SYNE2: variants seen among roughly 807,000 people sequenced by gnomAD.
The protein encoded by SYNE2 is nesprin-2.
SYNE2 carries 431 observed loss-of-function variants against 856.3 expected under a neutral mutation model. The observed-to-expected ratio is 0.50, with a 90% confidence interval of 0.47 to 0.55. The LOEUF (loss-of-function observed/expected upper bound fraction) is 0.55. SYNE2 is among the 20% of genes least tolerant of loss of function. SYNE2 has a pLI of 0.00. For synonymous variants in SYNE2, 2,923 were observed against 2,872.3 expected, an observed-to-expected ratio of 1.02 and a Z score of -0.56; for missense variants, 8,129 against 8,023.2, an observed-to-expected ratio of 1.01 and a Z score of -0.50.
chr14:63,889,078 A>G (rs2095066067), intron 1 of SYNE2, among the ~76,000 whole-genome samples: 1 of 149,792 alleles, frequency 6.7e-6, no homozygotes, highest in Non-Finnish European at 1.5e-5. Context: ...AAAAAGGGTA[A>G]AGACCTATGA....
At chr14:64,168,195 C>A (rs1215611140) in intron 92 of SYNE2, among the ~76,000 whole-genome samples, 1 of 152,138 alleles carries the variant, frequency 6.6e-6, no homozygotes, top group African/African-American at 2.4e-5. Context: ...CTTCCACCCC[C>A]CAGGCTCAAG....
At chr14:63,803,624 C>T (rs955121116) in intron 1 of SYNE2, among the ~76,000 whole-genome samples, 8 of 152,200 alleles carry the variant, frequency 5.3e-5, no homozygotes, top group South Asian at 2.1e-4. Flanking sequence ...CACGCAGCCC[C>T]GGTTCCTGCT....
intron 1 of SYNE2, among the ~76,000 whole-genome samples, chr14:63,793,212 C>T (rs1887796765): frequency 6.6e-6 from 1 of 152,164 alleles, no homozygotes; most frequent in African/African-American, 2.4e-5. Flanking sequence ...TTGACACACA[C>T]AGCCACCTTG....
chr14:64,000,540 T>C, intron 27 of SYNE2, 22 bp from the exon 28 acceptor site: 1 of 1,607,738 alleles, frequency 6.2e-7, no homozygotes. Flanking sequence ...AGTTGATAAA[T>C]TAATTTATGT....
chr14:64,175,358 A>G (rs1474187236), intron 95 of SYNE2, among the ~76,000 whole-genome samples: 1 of 152,192 alleles, frequency 6.6e-6, no homozygotes, highest in Non-Finnish European at 1.5e-5. Flanking sequence ...TTCTATTAAG[A>G]TACTTACTTT....
Position 64,143,816 on chromosome 14 carries a change from C to T in SYNE2, c.15351C>T (p.Phe5117=), listed in dbSNP as rs569092674. The change falls in exon 83 of 116, where the codon TTC becomes TTT. Residue 5117 remains phenylalanine (F), a synonymous_variant. Coordinates refer to ENST00000555002, the MANE Select transcript of SYNE2 (RefSeq NM_182914.3). ...ACTATAAACAGTGGATAGTTGACTT[C>T]GTTAACCAGTCATTACTTCAGCTAA... ...EMDYKQWIVD[F]VNQSLLQLST... 1.1e-5 allele frequency: 18 copies of T among 1,614,002 alleles called. No homozygotes were observed. In the East Asian group the frequency reaches 2.7e-4, roughly 24 times the overall value.
At chr14:63,897,777 C>T (rs2095276810) in intron 1 of SYNE2, among the ~76,000 whole-genome samples, 1 of 152,190 alleles carries the variant, frequency 6.6e-6, no homozygotes, top group South Asian at 2.1e-4. Context: ...AAGGACCCCA[C>T]ACCACCCATG....
chr14:63,867,248 G>A (rs192819804), intron 1 of SYNE2, among the ~76,000 whole-genome samples: 5 of 152,256 alleles, frequency 3.3e-5, no homozygotes, highest in African/African-American at 7.2e-5. Flanking sequence ...CCATGATTCT[G>A]TACAGAAACT....
chr14:64,037,276 C>T lies in SYNE2; in HGVS notation c.7221+5919C>T, dbSNP rs377080760. On this transcript the variant is annotated intron_variant, in intron 45 of 115. Coordinates refer to ENST00000555002, the MANE Select transcript of SYNE2 (RefSeq NM_182914.3). ...TGGTTTTCCTAGGCGGAGGACCCTG[C>T]GGCCTTCCGCAGTGTTTGTGTCCCT... Among the ~76,000 whole-genome samples, 164 of 151,858 alleles carry T rather than the reference C, an allele frequency of 1.1e-3. 3 individuals are homozygous for T. In the South Asian group the frequency reaches 0.015, roughly 14 times the overall value.
rs757127750 is a variant in SYNE2, at chr14:64,020,009, T to C, written c.5067T>C (p.His1689=). 4 of 1,612,474 alleles carry C rather than the reference T, an allele frequency of 2.5e-6. No homozygotes were observed. The highest frequency in any genetic ancestry group is 1.1e-5 in the South Asian group (1 of 91,052). Reference sequence around the variant, plus strand: ...TGTTTTAGGAAGAATTACAAGTCCATGAACAAAAAACTTCAGAATTTTCTA... The same window carrying C: ...TGTTTTAGGAAGAATTACAAGTCCACGAACAAAAAACTTCAGAATTTTCTA... The part of the protein sequence containing the change: ...RERLKEELQV[H]EQKTSEFSRR... Residue 1689 remains histidine (H), a synonymous_variant, in exon 35 of 116, where the codon CAT becomes CAC. Transcript: ENST00000555002.
upstream of SYNE2, among the ~76,000 whole-genome samples, chr14:63,852,263 G>A (rs1449208381): frequency 6.6e-6 from 1 of 152,130 alleles, no homozygotes; most frequent in Non-Finnish European, 1.5e-5. Context: ...TAATCACAGC[G>A]CTAGAGGTAA....
chr14:64,146,905 C>T (rs553914081), intron 84 of SYNE2, among the ~76,000 whole-genome samples: 1 of 152,224 alleles, frequency 6.6e-6, no homozygotes, highest in African/African-American at 2.4e-5. Flanking sequence ...AAAGTCTGGC[C>T]GGACCCCATT....
intron 38 of SYNE2, chr14:64,023,650 T>C (rs1425817806): frequency 4.5e-5 from 7 of 156,120 alleles, no homozygotes; most frequent in Admixed American, 4.3e-4. Context: ...CGGGGGCGTA[T>C]GAAAGGCCTG....
chr14:63,863,238 G>A (rs1894227242), intron 1 of SYNE2, among the ~76,000 whole-genome samples: 1 of 152,128 alleles, frequency 6.6e-6, no homozygotes, highest in Non-Finnish European at 1.5e-5. Context: ...CTTAGTCAAT[G>A]TGCTCCATGG....
intron 2 of SYNE2, among the ~76,000 whole-genome samples, chr14:63,913,833 A>AAAGTTTTTT (rs2095502873): frequency 4.0e-5 from 1 of 24,736 alleles, no homozygotes; most frequent in Non-Finnish European, 1.0e-4. Flanking sequence ...ATGGCTGTTT[A>AAAGTTTTTT]AAATTTTTTA....
intron 1 of SYNE2, among the ~76,000 whole-genome samples, chr14:63,893,049 A>G (rs779822683): frequency 6.6e-6 from 1 of 152,142 alleles, no homozygotes; most frequent in Non-Finnish European, 1.5e-5. Context: ...CTAGAGTTAG[A>G]CCTCAAAGTT....
chr14:63,927,345 G>C (rs56028641), intron 2 of SYNE2, among the ~76,000 whole-genome samples: 82,176 of 151,688 alleles, frequency 0.54, 23,892 homozygotes, highest in Non-Finnish European at 0.64. Context: ...CCCAGGAGTT[G>C]GAGACTAGCC....
chr14:63,986,346 T>A (rs915056951), intron 18 of SYNE2, 110 bp from the exon 19 acceptor site: 19 of 1,145,400 alleles, frequency 1.7e-5, no homozygotes, highest in Non-Finnish European at 2.3e-5. Context: ...GCAATCCTCC[T>A]GCCCTGGCCT....
intron 115 of SYNE2, 52 bp from the exon 116 acceptor site, chr14:64,225,267 G>A (rs903699906): frequency 1.2e-6 from 2 of 1,613,650 alleles, no homozygotes; most frequent in African/African-American, 1.3e-5. Context: ...GTAATAGAGT[G>A]GGTTGTGCCT....
Sources: allele counts gnomAD v4.1 joint callset (sites outside exome capture counted in the v4.1 genomes callset), GRCh38; gene constraint gnomAD v4.1.1; transcripts MANE v1.5; gene names NCBI Gene and HGNC (gene_info 2026-07-23, HGNC 2026-07-21).